PIK3C2G: variants seen among roughly 807,000 people sequenced by gnomAD.
PIK3C2G encodes the protein phosphatidylinositol-4-phosphate 3-kinase catalytic subunit type 2 gamma, also known as phosphatidylinositol 3-kinase C2 domain-containing subunit gamma.
A neutral mutation model predicts 181.1 loss-of-function variants in PIK3C2G; 168 were observed. That is an observed-to-expected ratio of 0.93 (90% CI 0.82 to 1.05). PIK3C2G has a LOEUF of 1.05. Among genes scored for constraint, PIK3C2G ranks in the 50% least tolerant of loss-of-function variants. The probability of loss-of-function intolerance (pLI) is 0.00; values close to 1 mark genes in which losing one functional copy is unlikely to be tolerated. For missense variants in PIK3C2G, 1,869 were observed against 1,732.8 expected, an observed-to-expected ratio of 1.08 and a Z score of -1.40; for synonymous variants, 573 against 592.2, an observed-to-expected ratio of 0.97 and a Z score of 0.47.
chr12:18,425,467 C>T (rs1945752070), intron 18 of PIK3C2G, among the ~76,000 whole-genome samples: 1 of 140,628 alleles, frequency 7.1e-6, no homozygotes, highest in African/African-American at 2.6e-5. Context: ...TCTCAGCTCA[C>T]TGCAACCTCC....
At chr12:18,702,818 CTTTTTT>C in the PIK3C2G span, among the ~76,000 whole-genome samples, 4 of 116,600 alleles carry the variant, frequency 3.4e-5, no homozygotes, top group Admixed American at 2.0e-4. Flanking sequence ...GATAAAGTAA[CTTTTTT>C]TTTTTTTTTT....
intron 26 of PIK3C2G, among the ~76,000 whole-genome samples, chr12:18,554,771 C>G (rs941901020): frequency 6.6e-6 from 1 of 152,036 alleles, no homozygotes; most frequent in African/African-American, 2.4e-5. Context: ...TCAGAGATTA[C>G]AAATTCAATG....
chr12:18,719,858 T>A, the PIK3C2G span, among the ~76,000 whole-genome samples: 3 of 152,100 alleles, frequency 2.0e-5, no homozygotes, highest in Non-Finnish European at 4.4e-5. Context: ...TATTTAATTA[T>A]CTCTTTTTTT....
intron 16 of PIK3C2G, among the ~76,000 whole-genome samples, chr12:18,408,830 A>G (rs984216794): frequency 6.6e-6 from 1 of 152,210 alleles, no homozygotes; most frequent in African/African-American, 2.4e-5. Context: ...GAGAAATGCA[A>G]ATAAAAACCA....
chr12:18,704,509 A>G, the PIK3C2G span, among the ~76,000 whole-genome samples: 11 of 152,216 alleles, frequency 7.2e-5, no homozygotes, highest in Non-Finnish European at 8.8e-5. Flanking sequence ...TATTTTTAGT[A>G]GAGACGGGGT....
the PIK3C2G span, chr12:18,688,068 T>C: frequency 1.2e-6 from 2 of 1,608,812 alleles, no homozygotes; most frequent in Non-Finnish European, 1.7e-6. Flanking sequence ...GGAAATTCAA[T>C]AAGGTATATC....
chr12:18,609,289 GA>G (rs1948214674), intron 30 of PIK3C2G, among the ~76,000 whole-genome samples: 1 of 152,056 alleles, frequency 6.6e-6, no homozygotes, highest in Admixed American at 6.6e-5. Flanking sequence ...AAGTTGTTGA[GA>G]AAATAATGGT....
intron 1 of PIK3C2G, among the ~76,000 whole-genome samples, chr12:18,281,540 A>C (rs1202511712): frequency 6.6e-6 from 1 of 152,034 alleles, no homozygotes; most frequent in Non-Finnish European, 1.5e-5. Flanking sequence ...AAAAAAGTTT[A>C]GCTAACCATA....
intron 15 of PIK3C2G, among the ~76,000 whole-genome samples, chr12:18,399,173 T>TG (rs1565678256): frequency 7.3e-6 from 1 of 136,522 alleles, no homozygotes; most frequent in Non-Finnish European, 1.6e-5. Flanking sequence ...CCAGCCTGGG[T>TG]GACAGAGCGA....
rs1430353944 is a variant in PIK3C2G, at chr12:18,371,192, C to T, written c.1761C>T (p.Pro587=). The part of the protein sequence containing the change: ...LVNWNETINF[P]LEIKSLPRES... ...CTTTTATTCTCAGGATCAATTTTCCCCTTGAAATAAAGTCACTTCCAAGGG... is the reference window on the plus strand; with the variant it reads ...CTTTTATTCTCAGGATCAATTTTCCTCTTGAAATAAAGTCACTTCCAAGGG... Residue 587 remains proline (P), a synonymous_variant, in exon 13 of 33, where the codon CCC becomes CCT. Transcript: ENST00000538779. 6.2e-7 allele frequency: 1 copy of T among 1,607,668 alleles called. No homozygotes were observed. Among genetic ancestry groups the T allele is most frequent in the Admixed American group, 1.7e-5 (1 of 59,198 alleles).
At chr12:18,433,503 G>A (rs1270516296) in intron 18 of PIK3C2G, among the ~76,000 whole-genome samples, 1 of 152,094 alleles carries the variant, frequency 6.6e-6, no homozygotes, top group African/African-American at 2.4e-5. Context: ...TCCAGCCTGG[G>A]TGAAAGAGCT....
chr12:18,430,660 T>C (rs979081799), intron 18 of PIK3C2G, among the ~76,000 whole-genome samples: 2 of 152,164 alleles, frequency 1.3e-5, no homozygotes, highest in Non-Finnish European at 2.9e-5. Context: ...AGAGCTGGCC[T>C]GGCTAAAGCA....
At position 18,441,422 on chromosome 12, in the gene PIK3C2G, T is replaced by C. The variant is rs188646939; in HGVS notation, c.2504+17383T>C. On this transcript the variant is annotated intron_variant, in intron 18 of 32. Coordinates refer to ENST00000538779, the MANE Select transcript of PIK3C2G (RefSeq NM_001288772.2). The stretch of plus-strand genomic sequence containing the variant: ...TTCTTTGCTTTTACAATAGGAAAAA[T>C]TGCTTTTTAAATATACTGGTGGGAA... Among the ~76,000 whole-genome samples the C allele has an allele frequency of 5.9e-5, 9 of 152,084 alleles. No homozygotes were observed. In the South Asian group the frequency reaches 1.9e-3, roughly 32 times the overall value.
intron 1 of PIK3C2G, among the ~76,000 whole-genome samples, chr12:18,269,587 A>G (rs1400379926): frequency 2.0e-5 from 3 of 152,198 alleles, no homozygotes; most frequent in Non-Finnish European, 4.4e-5. Flanking sequence ...GAGTTTTGCA[A>G]AGAAGAAACT....
intron 29 of PIK3C2G, 29 bp downstream of exon 29, chr12:18,567,086 A>G (rs762988628): frequency 1.0e-6 from 1 of 991,384 alleles, no homozygotes; most frequent in South Asian, 1.4e-5. Flanking sequence ...TTCTATTTTT[A>G]CATAAAACAT....
the PIK3C2G span, among the ~76,000 whole-genome samples, chr12:18,661,681 T>C: frequency 6.6e-6 from 1 of 152,122 alleles, no homozygotes; most frequent in Non-Finnish European, 1.5e-5. Context: ...AAGGGGATGC[T>C]TATACACTGC....
At chr12:18,670,854 G>A in the PIK3C2G span, among the ~76,000 whole-genome samples, 1 of 152,070 alleles carries the variant, frequency 6.6e-6, no homozygotes, top group Admixed American at 6.6e-5. Context: ...AAATCAGTTA[G>A]GAAGCTTTCA....
chr12:18,406,625 T>C (rs1944547984), intron 16 of PIK3C2G, among the ~76,000 whole-genome samples: 1 of 152,102 alleles, frequency 6.6e-6, no homozygotes, highest in Non-Finnish European at 1.5e-5. Context: ...AAAGGAAGGA[T>C]ATTTGAAGGG....
At chr12:18,539,207 C>T (rs1040113083) in intron 25 of PIK3C2G, among the ~76,000 whole-genome samples, 3 of 151,904 alleles carry the variant, frequency 2.0e-5, no homozygotes, top group East Asian at 3.9e-4. Context: ...TTCTTCAGGA[C>T]ATGTTAACCC....
Sources: gnomAD v4.1 joint callset for allele counts (sites outside exome capture counted in the v4.1 genomes callset) on GRCh38, gnomAD v4.1.1 for gene constraint, MANE v1.5 for transcripts, NCBI Gene and HGNC (gene_info 2026-07-23, HGNC 2026-07-21) for gene names.